The following NRXN1 variants were observed in gnomAD, a reference collection of about 807,000 sequenced individuals.
The protein encoded by NRXN1 is neurexin 1.
NRXN1 carries 39 observed loss-of-function variants against 150.9 expected under a neutral mutation model. The observed-to-expected ratio is 0.26, with a 90% CI of 0.20 to 0.34. NRXN1 has a LOEUF of 0.34. Among genes scored for constraint, NRXN1 ranks in the 10% least tolerant of loss-of-function variants. The pLI is 1.00. For missense variants in NRXN1, 1,815 were observed against 1,949.9 expected (o/e 0.93, Z 1.30); for synonymous variants, 924 against 757.0 (o/e 1.22, Z -3.62).
chr2:50,027,787 G>C (rs913471658), intron 21 of NRXN1, among the ~76,000 whole-genome samples: 7 of 152,106 alleles, frequency 4.6e-5, no homozygotes, highest in Non-Finnish European at 1.0e-4. Context: ...CTCCTAAACA[G>C]GGGAAACTTC....
chr2:51,006,332 G>A (rs1700716457), intron 2 of NRXN1, among the ~76,000 whole-genome samples: 1 of 150,750 alleles, frequency 6.6e-6, no homozygotes, highest in African/African-American at 2.4e-5. Flanking sequence ...ACTCATAGGT[G>A]GGAATTGAAC....
At position 50,405,293 on chromosome 2, in the gene NRXN1, C is replaced by T. The variant is rs547050454; in HGVS notation, c.3364+60149G>A. Among the ~76,000 whole-genome samples, 15 of 152,082 alleles carry T rather than the reference C, an allele frequency of 9.9e-5. No homozygotes were observed. The South Asian group carries it at 2.7e-3, about 27-fold the overall frequency. On this transcript the variant is annotated intron_variant, in intron 17 of 22. Coordinates refer to ENST00000401669, the MANE Select transcript of NRXN1 (RefSeq NM_001330078.2). The stretch of plus-strand genomic sequence containing the variant: ...GCTCAACACATGAGCCTACCAAACA[C>T]GGCAAATAAAAATTTGTTCAAGATT...
chr2:50,890,780 A>G (rs565720025), intron 5 of NRXN1, among the ~76,000 whole-genome samples: 1 of 152,056 alleles, frequency 6.6e-6, no homozygotes, highest in East Asian at 1.9e-4. Flanking sequence ...ACCAGCTCAT[A>G]ATTACTTCAT....
At chr2:50,805,190 C>G (rs184525974) in intron 5 of NRXN1, among the ~76,000 whole-genome samples, 8 of 151,664 alleles carry the variant, frequency 5.3e-5, no homozygotes, top group Non-Finnish European at 1.0e-4. Flanking sequence ...ATGTCTTCTA[C>G]TAAAGGAATT....
chr2:50,935,036 G>T (rs1446530537), intron 2 of NRXN1, among the ~76,000 whole-genome samples: 1 of 152,062 alleles, frequency 6.6e-6, no homozygotes, highest in African/African-American at 2.4e-5. Flanking sequence ...CTCGCAGTAT[G>T]CCCAATTAGA....
At chr2:50,678,346 T>C (rs1369519809) in intron 5 of NRXN1, among the ~76,000 whole-genome samples, 2 of 152,178 alleles carry the variant, frequency 1.3e-5, no homozygotes, top group Non-Finnish European at 2.9e-5. Context: ...TTTAGATTAA[T>C]CCCATGGTTT....
chr2:50,677,368 G>T (rs999462515), intron 5 of NRXN1, among the ~76,000 whole-genome samples: 3 of 152,078 alleles, frequency 2.0e-5, no homozygotes, highest in African/African-American at 7.2e-5. Context: ...TAAGTCAGTG[G>T]TATTTTAACG....
At chr2:50,658,198 C>T (rs1408221257) in intron 5 of NRXN1, among the ~76,000 whole-genome samples, 1 of 151,898 alleles carries the variant, frequency 6.6e-6, no homozygotes, top group African/African-American at 2.4e-5. Flanking sequence ...CATAGGCTAT[C>T]CCAGGGTCCA....
chr2:50,159,089 G>A (rs980666743), intron 18 of NRXN1, among the ~76,000 whole-genome samples: 4 of 151,956 alleles, frequency 2.6e-5, no homozygotes, highest in Non-Finnish European at 5.9e-5. Context: ...TGTTGTTGTT[G>A]TTGTTGTTGT....
intron 5 of NRXN1, among the ~76,000 whole-genome samples, chr2:50,907,143 GA>G (rs1273131330): frequency 1.5e-4 from 22 of 145,350 alleles, no homozygotes; most frequent in African/African-American, 5.1e-4. Flanking sequence ...ACTCTGGAGG[GA>G]AAAATGCTAC....
At chr2:50,093,115 TA>T (rs5831082) in intron 18 of NRXN1, among the ~76,000 whole-genome samples, 118,487 of 151,730 alleles carry the variant, frequency 0.78, 46,368 homozygotes, top group Middle Eastern at 0.82. Flanking sequence ...AGGTCTGAGC[TA>T]AAAAAAAATC....
At chr2:50,126,125 C>A (rs1437538141) in intron 18 of NRXN1, among the ~76,000 whole-genome samples, 4 of 152,044 alleles carry the variant, frequency 2.6e-5, no homozygotes, top group Non-Finnish European at 4.4e-5. Context: ...AATGCTGCCA[C>A]TAGGCAGGAT....
intron 8 of NRXN1, among the ~76,000 whole-genome samples, chr2:50,592,321 T>C (rs1043689452): frequency 6.6e-6 from 1 of 152,144 alleles, no homozygotes; most frequent in African/African-American, 2.4e-5. Context: ...GACACCAGAG[T>C]GATCTAAACA....
intron 2 of NRXN1, among the ~76,000 whole-genome samples, chr2:51,027,282 A>T (rs1670649251): frequency 6.6e-6 from 1 of 152,164 alleles, no homozygotes; most frequent in Non-Finnish European, 1.5e-5. Context: ...TCCAGAAGGA[A>T]CTCAAACTTG....
chr2:50,809,601 A>G (rs1667947542), intron 5 of NRXN1, among the ~76,000 whole-genome samples: 1 of 152,084 alleles, frequency 6.6e-6, no homozygotes, highest in Non-Finnish European at 1.5e-5. Context: ...ATTTTTCTCT[A>G]TGCCGTCACG....
rs571916823 is a variant in NRXN1, at chr2:50,377,928, G to A, written c.3364+87514C>T. ...AGCTATAGTTGCTCCATAGGAGAAA[G>A]GGAAGAGCCAGCAGTAATCAGGACT... On this transcript the variant is annotated intron_variant, in intron 17 of 22. Transcript: ENST00000401669. 1.9e-4 allele frequency among the ~76,000 whole-genome samples: 29 copies of A among 152,294 alleles called. No individual in the cohort carries two copies. The South Asian group carries it at 2.1e-3, about 11-fold the overall frequency.
At chr2:50,961,318 AGC>A (rs1212564901) in intron 2 of NRXN1, among the ~76,000 whole-genome samples, 1 of 151,702 alleles carries the variant, frequency 6.6e-6, no homozygotes, top group Non-Finnish European at 1.5e-5. Context: ...ATTTCTAGCA[AGC>A]TCTCAGGTGA....
chr2:50,605,052 A>G (rs777069290), intron 8 of NRXN1, among the ~76,000 whole-genome samples: 1 of 152,206 alleles, frequency 6.6e-6, no homozygotes, highest in Non-Finnish European at 1.5e-5. Flanking sequence ...TTGATCAAAT[A>G]CTGGTAAAAT....
intron 8 of NRXN1, among the ~76,000 whole-genome samples, chr2:50,601,386 G>C (rs947274287): frequency 1.3e-5 from 2 of 152,132 alleles, no homozygotes; most frequent in African/African-American, 4.8e-5. Flanking sequence ...ATAATACGTG[G>C]TTTGACATGC....
Sources: gnomAD v4.1 joint callset for allele counts (sites outside exome capture counted in the v4.1 genomes callset) on GRCh38, gnomAD v4.1.1 for gene constraint, MANE v1.5 for transcripts, NCBI Gene and HGNC (gene_info 2026-07-23, HGNC 2026-07-21) for gene names.